Variants in KIAA1549L observed in about 807,000 individuals in gnomAD.
KIAA1549L encodes UPF0606 protein KIAA1549L.
In KIAA1549L, 88 loss-of-function variants were observed where a neutral mutation model predicts 160.7. The ratio of observed to expected loss-of-function variants is 0.55; its 90% confidence interval spans 0.46 to 0.65. The LOEUF is 0.65. Ranked by LOEUF, KIAA1549L falls within the 30% of genes least tolerant of loss-of-function variation. The probability of loss-of-function intolerance (pLI) is 0.00; values close to 1 mark genes in which losing one functional copy is unlikely to be tolerated. For missense variants in KIAA1549L, 2,258 were observed against 2,437.5 expected, an observed-to-expected ratio of 0.93 and a Z score of 1.55; for synonymous variants, 950 against 976.7, an observed-to-expected ratio of 0.97 and a Z score of 0.51.
chr11:33,576,527 A>T (rs1855452593), intron 10 of KIAA1549L, among the ~76,000 whole-genome samples: 1 of 152,064 alleles, frequency 6.6e-6, no homozygotes, highest in African/African-American at 2.4e-5. Context: ...TTCTGTTCTC[A>T]GCTCTTTCTC....
At chr11:33,641,283 C>T (rs1245513863) in intron 16 of KIAA1549L, among the ~76,000 whole-genome samples, 1 of 152,076 alleles carries the variant, frequency 6.6e-6, no homozygotes, top group Non-Finnish European at 1.5e-5. Context: ...GCTGTGAATA[C>T]AATGATTATA....
intron 1 of KIAA1549L, among the ~76,000 whole-genome samples, chr11:33,377,797 C>G (rs1379841833): frequency 6.6e-6 from 1 of 152,150 alleles, no homozygotes; most frequent in Non-Finnish European, 1.5e-5. Context: ...AGTACCCCCT[C>G]CCCCAAATTA....
At chr11:33,426,723 C>T (rs918587836) in intron 1 of KIAA1549L, among the ~76,000 whole-genome samples, 2 of 152,224 alleles carry the variant, frequency 1.3e-5, no homozygotes, top group African/African-American at 4.8e-5. Context: ...GGATACATCT[C>T]AGAGAGATTC....
intron 16 of KIAA1549L, among the ~76,000 whole-genome samples, chr11:33,624,270 G>A (rs1851036060): frequency 6.6e-6 from 1 of 152,200 alleles, no homozygotes; most frequent in Admixed American, 6.5e-5. Flanking sequence ...GCAGTTCCCT[G>A]CAAGAGCTGA....
intron 1 of KIAA1549L, among the ~76,000 whole-genome samples, chr11:33,451,366 C>T (rs926822371): frequency 1.5e-4 from 23 of 152,058 alleles, no homozygotes; most frequent in Non-Finnish European, 5.9e-5. Flanking sequence ...GTTATGGGCC[C>T]GAATCTCAAC....
At chr11:33,641,219 G>T (rs1448458174) in intron 16 of KIAA1549L, among the ~76,000 whole-genome samples, 1 of 152,156 alleles carries the variant, frequency 6.6e-6, no homozygotes, top group Non-Finnish European at 1.5e-5. Context: ...TACTATATTT[G>T]TTCGCTAAAC....
chr11:33,545,019 C>G lies in KIAA1549L; in HGVS notation c.3026C>G (p.Thr1009Ser). The G allele has an allele frequency of 6.2e-7, 1 of 1,614,034 alleles. No homozygotes were observed. The highest frequency in any genetic ancestry group is 8.5e-7 in the Non-Finnish European group (1 of 1,179,898). ...AVHTAFPFTP[T>S]YMYARTGHTT... Reference sequence around the variant, plus strand: ...CATACAGCCTTCCCATTCACACCAACCTACATGTATGCAAGAACAGGACAT... The same window carrying G: ...CATACAGCCTTCCCATTCACACCAAGCTACATGTATGCAAGAACAGGACAT... The change falls in exon 3 of 21, where the codon ACC (threonine) becomes AGC (serine). Residue 1009 changes from threonine (T) to serine (S), a missense_variant. Coordinates refer to ENST00000658780, the MANE Select transcript of KIAA1549L (RefSeq NM_012194.3).
chr11:33,463,651 C>T (rs537606448), intron 1 of KIAA1549L, among the ~76,000 whole-genome samples: 1 of 152,272 alleles, frequency 6.6e-6, no homozygotes, highest in East Asian at 1.9e-4. Context: ...ATAATCTAAA[C>T]CTCTTTCTAC....
intron 13 of KIAA1549L, among the ~76,000 whole-genome samples, chr11:33,600,314 G>T (rs1850322538): frequency 6.6e-6 from 1 of 152,278 alleles, no homozygotes; most frequent in Non-Finnish European, 1.5e-5. Context: ...TGAGCACACG[G>T]AGTCAGAGGT....
At chr11:33,604,913 G>A (rs558952842) in intron 13 of KIAA1549L, among the ~76,000 whole-genome samples, 31 of 152,118 alleles carry the variant, frequency 2.0e-4, no homozygotes, top group Admixed American at 1.0e-3. Flanking sequence ...ATTCGTCTGT[G>A]TAACCAAAAA....
At chr11:33,501,189 C>CTCCCTA (rs1313555634) in intron 1 of KIAA1549L, among the ~76,000 whole-genome samples, 4 of 152,174 alleles carry the variant, frequency 2.6e-5, no homozygotes, top group African/African-American at 9.7e-5. Flanking sequence ...ACAGAAATTT[C>CTCCCTA]CAGGGAGAAA....
At chr11:33,399,688 C>T (rs1471095349) in intron 1 of KIAA1549L, among the ~76,000 whole-genome samples, 1 of 152,208 alleles carries the variant, frequency 6.6e-6, no homozygotes, top group Admixed American at 6.5e-5. Flanking sequence ...TGGCTTTGCA[C>T]GCTGACTGAT....
intron 1 of KIAA1549L, among the ~76,000 whole-genome samples, chr11:33,425,224 A>G (rs910740700): frequency 6.6e-5 from 10 of 152,218 alleles, no homozygotes; most frequent in African/African-American, 2.4e-4. Flanking sequence ...AGAGCAGAAG[A>G]GAACTTACCT....
chr11:33,447,232 G>A (rs958996588), intron 1 of KIAA1549L, among the ~76,000 whole-genome samples: 9 of 149,572 alleles, frequency 6.0e-5, no homozygotes, highest in Admixed American at 5.9e-4. Flanking sequence ...CACCCTGAAC[G>A]CTTGAAGTAC....
At chr11:33,565,559 G>A (rs1855019340) in intron 8 of KIAA1549L, among the ~76,000 whole-genome samples, 1 of 152,202 alleles carries the variant, frequency 6.6e-6, no homozygotes, top group Non-Finnish European at 1.5e-5. Context: ...TCAGGGCCCT[G>A]CCCCCAAATC....
Position 33,492,720 on chromosome 11 carries a change from A to G in KIAA1549L, c.239-49082A>G, listed in dbSNP as rs75195841. 8.6e-3 allele frequency among the ~76,000 whole-genome samples: 1,314 copies of G among 152,158 alleles called. 9 individuals carry two copies. Among genetic ancestry groups the G allele is most frequent in the Middle Eastern group, 0.024 (7 of 294 alleles). The stretch of plus-strand genomic sequence containing the variant: ...AGTTCTGCTTCTTTAGCGAGATTAG[A>G]TTTATTATTGTCCCAGGCATGGGTA... On this transcript the variant is annotated intron_variant, in intron 1 of 20. Transcript: ENST00000658780.
intron 1 of KIAA1549L, among the ~76,000 whole-genome samples, chr11:33,509,784 G>A (rs1853183195): frequency 6.6e-6 from 1 of 152,178 alleles, no homozygotes; most frequent in Admixed American, 6.5e-5. Flanking sequence ...TGTTTGGAAT[G>A]AATGTAGCCA....
intron 1 of KIAA1549L, among the ~76,000 whole-genome samples, chr11:33,489,625 A>G (rs1417893339): frequency 6.6e-6 from 1 of 152,226 alleles, no homozygotes; most frequent in African/African-American, 2.4e-5. Flanking sequence ...TCTTCATCCC[A>G]TGGTTTCCAA....
intron 1 of KIAA1549L, among the ~76,000 whole-genome samples, chr11:33,491,096 A>G (rs1375673508): frequency 1.3e-5 from 2 of 152,222 alleles, no homozygotes; most frequent in African/African-American, 4.8e-5. Context: ...GGCTGAGACC[A>G]TTTATGCTTG....
Sources: allele counts gnomAD v4.1 joint callset (sites outside exome capture counted in the v4.1 genomes callset), GRCh38; gene constraint gnomAD v4.1.1; transcripts MANE v1.5; gene names NCBI Gene and HGNC (gene_info 2026-07-23, HGNC 2026-07-21).